The following MYH11 variants were observed in gnomAD, a reference collection of about 807,000 sequenced individuals.
MYH11 encodes the protein myosin heavy chain 11, also known as myosin-11.
MYH11 carries 80 observed loss-of-function variants against 246.6 expected under a neutral mutation model. That is an observed-to-expected ratio of 0.32 (90% CI 0.27 to 0.39). The LOEUF is 0.39. MYH11 is among the 10% of genes least tolerant of loss of function. The probability of loss-of-function intolerance (pLI) is 1.00; values close to 1 mark genes in which losing one functional copy is unlikely to be tolerated. For missense variants in MYH11, 2,158 were observed against 2,546.8 expected (o/e 0.85, Z 3.29); for synonymous variants, 1,071 against 1,015.5 (o/e 1.05, Z -1.04).
At chr16:15,842,762 C>CAAAAAAAAAAAAAAAAAAAAA (rs757920488) in intron 1 of MYH11, among the ~76,000 whole-genome samples, 1 of 19,674 alleles carries the variant, frequency 5.1e-5, no homozygotes, top group Admixed American at 7.9e-4. Flanking sequence ...AGACTTCATC[C>CAAAAAAAAAAAAAAAAAAAAA]AAAAAAAAAA....
intron 2 of MYH11, among the ~76,000 whole-genome samples, chr16:15,834,947 G>C (rs1274274892): frequency 6.7e-6 from 1 of 148,490 alleles, no homozygotes; most frequent in East Asian, 2.0e-4. Flanking sequence ...AGGTGTGGTG[G>C]TGCACACCTG....
In MYH11 at chr16:15,714,139, C is replaced by T. The variant is rs183379522; in HGVS notation, c.5786+770G>A. 2.7e-3 allele frequency: 419 copies of T among 152,756 alleles called. 1 individual carries two copies. The highest frequency in any genetic ancestry group is 6.3e-3 in the Admixed American group (97 of 15,318). 9.5% of individuals were successfully genotyped at this position (152,756 alleles called of 1,614,324 possible). Reference sequence around the variant, plus strand: ...GGAGTGGTGTGGGAGACAGGAAGCCCGGAGCTAAAACCTCCTGGGAGCCAA... The same window carrying T: ...GGAGTGGTGTGGGAGACAGGAAGCCTGGAGCTAAAACCTCCTGGGAGCCAA... On this transcript the variant is annotated intron_variant, in intron 40 of 40. Coordinates refer to ENST00000300036, the MANE Select transcript of MYH11 (RefSeq NM_002474.3).
intron 5 of MYH11, chr16:15,784,617 G>A (rs2042426423): frequency 1.4e-5 from 21 of 1,490,016 alleles, no homozygotes; most frequent in East Asian, 1.4e-4. Flanking sequence ...TACGGGACTC[G>A]GTGGGTGCAA....
At chr16:15,738,491 C>T in intron 24 of MYH11, 74 bp downstream of exon 24, 1 of 1,425,192 alleles carries the variant, frequency 7.0e-7, no homozygotes, top group Non-Finnish European at 9.5e-7. Context: ...GCAGCCTGGG[C>T]AACAGAGCAA....
intron 9 of MYH11, among the ~76,000 whole-genome samples, 170 bp from the exon 10 acceptor site, chr16:15,764,061 A>C (rs1264394842): frequency 6.6e-6 from 1 of 152,188 alleles, no homozygotes; most frequent in Non-Finnish European, 1.5e-5. Context: ...CTTGCATTAC[A>C]ATGGAATGCC....
chr16:15,830,831 C>T (rs1385789714), intron 2 of MYH11, among the ~76,000 whole-genome samples: 2 of 152,086 alleles, frequency 1.3e-5, no homozygotes, highest in East Asian at 1.9e-4. Context: ...GAGCCGAGAT[C>T]GCACCATTGC....
intron 3 of MYH11, among the ~76,000 whole-genome samples, chr16:15,810,445 AT>A (rs1384948560): frequency 3.9e-5 from 6 of 152,196 alleles, no homozygotes; most frequent in Admixed American, 3.9e-4. Flanking sequence ...TGAACTTTTC[AT>A]GATTAGTCAG....
At chr16:15,757,589 A>T (rs1488261714) in intron 13 of MYH11, among the ~76,000 whole-genome samples, 5 of 150,984 alleles carry the variant, frequency 3.3e-5, no homozygotes, top group Non-Finnish European at 7.4e-5. Flanking sequence ...AAAAAGGAAG[A>T]AAAAAGAGGA....
intron 20 of MYH11, among the ~76,000 whole-genome samples, chr16:15,744,253 G>A (rs2041355457): frequency 6.6e-6 from 1 of 151,564 alleles, no homozygotes; most frequent in South Asian, 2.1e-4. Context: ...GCAGTACAGT[G>A]GCGCGATCTC....
chr16:15,806,004 C>A (rs926797695), intron 3 of MYH11, among the ~76,000 whole-genome samples: 41 of 151,870 alleles, frequency 2.7e-4, no homozygotes, highest in African/African-American at 9.4e-4. Flanking sequence ...GCCGGCTGGG[C>A]ACGGTGGCTC....
intron 3 of MYH11, among the ~76,000 whole-genome samples, chr16:15,819,127 G>A (rs1054052337): frequency 1.5e-4 from 23 of 152,060 alleles, no homozygotes; most frequent in Non-Finnish European, 2.8e-4. Flanking sequence ...CTCCTGCCTT[G>A]GCCTCCCAAA....
chr16:15,847,097 G>A (rs775761967), intron 1 of MYH11, among the ~76,000 whole-genome samples: 1 of 151,740 alleles, frequency 6.6e-6, no homozygotes, highest in African/African-American at 2.4e-5. Flanking sequence ...TCACCACCTC[G>A]GCCACTTAAA....
Position 15,738,609 on chromosome 16 carries a change from G to A in MYH11, c.3077C>T (p.Thr1026Ile). 1.2e-6 allele frequency: 2 copies of A among 1,614,022 alleles called. No homozygotes were observed. The highest frequency in any genetic ancestry group is 2.2e-5 in the South Asian group (2 of 91,042). Reference sequence around the variant, plus strand: ...AGATTCATGCTTGTTTTTCAGCTTGGTAAGATTCTTGGCCTTTTCTTCCTC... The same window carrying A: ...AGATTCATGCTTGTTTTTCAGCTTGATAAGATTCTTGGCCTTTTCTTCCTC... Reference protein sequence around the residue: ...AEEEEKAKNLTKLKNKHESMI... With the variant: ...AEEEEKAKNLIKLKNKHESMI... Residue 1026 changes from threonine to isoleucine, a missense_variant, in exon 24 of 41, where the codon ACC becomes ATC. Coordinates refer to ENST00000300036, the MANE Select transcript of MYH11 (RefSeq NM_002474.3).
intron 8 of MYH11, 136 bp from the exon 9 acceptor site, chr16:15,771,848 C>T (rs1418874570): frequency 1.4e-5 from 15 of 1,106,608 alleles, no homozygotes; most frequent in African/African-American, 7.7e-5. Context: ...AAAGCCCTCA[C>T]GCATCGTCAC....
In MYH11 at chr16:15,738,632, C is replaced by T. The variant is rs760751310; in HGVS notation, c.3054G>A (p.Glu1018=). The T allele has an allele frequency of 6.8e-6, 11 of 1,613,940 alleles. No individual in the cohort carries two copies. In the African/African-American group the frequency reaches 9.3e-5, roughly 14 times the overall value. The change falls in exon 24 of 41, where the codon GAG becomes GAA. Residue 1018 remains glutamate, a synonymous_variant. Transcript: ENST00000300036. ...TGGTAAGATTCTTGGCCTTTTCTTC[C>T]TCTTCTGCAAGATTTGTCGTTAAGT... ...ISDLTTNLAE[E]EEKAKNLTKL... is the part of the protein sequence containing the mutation.
At chr16:15,829,362 T>C (rs2043665242) in intron 2 of MYH11, among the ~76,000 whole-genome samples, 3 of 152,128 alleles carry the variant, frequency 2.0e-5, no homozygotes, top group Admixed American at 6.6e-5. Context: ...TAGATCTGAA[T>C]CTCTGCTGAG....
chr16:15,705,627 G>T (rs371604826), intron 40 of MYH11, among the ~76,000 whole-genome samples: 3 of 152,080 alleles, frequency 2.0e-5, no homozygotes, highest in African/African-American at 7.2e-5. Flanking sequence ...TGCTCCCCAC[G>T]CAAGGGTTGG....
At chr16:15,719,442 AGAG>A (rs1408204756) in intron 35 of MYH11, 134 bp from the exon 36 acceptor site, 6 of 1,478,190 alleles carry the variant, frequency 4.1e-6, no homozygotes, top group Non-Finnish European at 5.6e-6. Flanking sequence ...GTGAATACAT[AGAG>A]GAGGGAAGCG....
rs529988488 is a variant in MYH11, at chr16:15,802,064, A to T, written c.503-3377T>A. Reference sequence around the variant, plus strand: ...CACCCATTCTACTTCTATCCTGGTTATGTTTGTGCTATGAACACATACAAT... The same window carrying T: ...CACCCATTCTACTTCTATCCTGGTTTTGTTTGTGCTATGAACACATACAAT... On this transcript the variant is annotated intron_variant, in intron 3 of 40. Coordinates refer to ENST00000300036, the MANE Select transcript of MYH11 (RefSeq NM_002474.3). 2.6e-5 allele frequency among the ~76,000 whole-genome samples: 4 copies of T among 152,354 alleles called. No individual in the cohort carries two copies. In the South Asian group the frequency reaches 8.3e-4, roughly 32 times the overall value.
Sources: gnomAD v4.1 joint callset for allele counts (sites outside exome capture counted in the v4.1 genomes callset) on GRCh38, gnomAD v4.1.1 for gene constraint, MANE v1.5 for transcripts, NCBI Gene and HGNC (gene_info 2026-07-23, HGNC 2026-07-21) for gene names.